OCRL: variants seen among roughly 807,000 people sequenced by gnomAD.
The protein encoded by OCRL is OCRL inositol polyphosphate-5-phosphatase.
OCRL carries 8 observed loss-of-function variants against 78.9 expected under a neutral mutation model. That is an observed-to-expected ratio of 0.10 (90% CI 0.06 to 0.18). The LOEUF (loss-of-function observed/expected upper bound fraction) is 0.18. Among genes scored for constraint, OCRL ranks in the 10% least tolerant of loss-of-function variants. The pLI is 1.00. For missense variants in OCRL, 454 were observed against 696.7 expected, an observed-to-expected ratio of 0.65 and a Z score of 3.92; for synonymous variants, 240 against 235.4, an observed-to-expected ratio of 1.02 and a Z score of -0.18.
At chrX:129,565,377 T>C (rs1460311086) in intron 12 of OCRL, among the ~76,000 whole-genome samples, 1 of 112,064 alleles carries the variant, frequency 8.9e-6, no homozygotes, top group East Asian at 2.8e-4. Context: ...GTGGAGAACC[T>C]GCAGGACTTC....
intron 4 of OCRL, chrX:129,553,314 T>A (rs750412774): frequency 8.9e-6 from 1 of 111,930 alleles, no homozygotes; most frequent in South Asian, 3.7e-4. Flanking sequence ...AAGTAGTGGG[T>A]GTGGAAGTCA....
intron 18 of OCRL, among the ~76,000 whole-genome samples, chrX:129,577,741 T>C (rs1936388571): frequency 8.9e-6 from 1 of 112,306 alleles, no homozygotes; most frequent in African/African-American, 3.2e-5. Context: ...AGAGCCCTCA[T>C]GACTGAGTAT....
rs182998651 is a variant in OCRL, at chrX:129,564,863, T to C, written c.1245-909T>C. On this transcript the variant is annotated intron_variant, in intron 12 of 23. Transcript: ENST00000371113. Reference sequence around the variant, plus strand: ...TTGTGCACATGTACCCTAAAACTTATAATAATAAAATAAAATTTAAAAAAT... The same window carrying C: ...TTGTGCACATGTACCCTAAAACTTACAATAATAAAATAAAATTTAAAAAAT... Among the ~76,000 whole-genome samples the C allele has an allele frequency of 6.4e-3, 710 of 111,004 alleles. 9 individuals are homozygous for C. The highest frequency in any genetic ancestry group is 0.021 in the African/African-American group (629 of 30,497).
intron 2 of OCRL, among the ~76,000 whole-genome samples, chrX:129,541,233 A>G (rs1489422651): frequency 8.9e-6 from 1 of 112,421 alleles, no homozygotes; most frequent in Non-Finnish European, 1.9e-5. Context: ...AGTGGCTTCC[A>G]AAAAGTAAAA....
At chrX:129,569,550 A>G (rs1478174802) in intron 15 of OCRL, 151 bp downstream of exon 15, 7 of 591,686 alleles carry the variant, frequency 1.2e-5, no homozygotes, top group Middle Eastern at 4.3e-4. Context: ...AGTGCCCCCA[A>G]CCCTCCCAAA....
chrX:129,559,836 G>GGT (rs1936121133), intron 8 of OCRL, among the ~76,000 whole-genome samples: 1 of 110,982 alleles, frequency 9.0e-6, no homozygotes, highest in Admixed American at 9.6e-5. Flanking sequence ...CTGCATGTGA[G>GGT]GTACCATGTG....
At chrX:129,557,533 A>T in intron 5 of OCRL, 98 bp downstream of exon 5, 1 of 756,849 alleles carries the variant, frequency 1.3e-6, no homozygotes, top group Non-Finnish European at 2.0e-6. Flanking sequence ...AAAATACCTC[A>T]CCCTTTAAGC....
intron 21 of OCRL, 52 bp from the exon 22 acceptor site, chrX:129,588,832 GCT>G: frequency 8.3e-7 from 1 of 1,202,271 alleles, no homozygotes; most frequent in Non-Finnish European, 1.1e-6. Context: ...GCTCGTCGGG[GCT>G]CTGTGTGGCC....
intron 4 of OCRL, among the ~76,000 whole-genome samples, chrX:129,556,849 A>G (rs1170683908): frequency 8.9e-6 from 1 of 112,053 alleles, no homozygotes; most frequent in African/African-American, 3.2e-5. Flanking sequence ...TGTAAATTTA[A>G]TCTGTGCTTA....
chrX:129,548,758 A>G (rs1935923253), intron 4 of OCRL, among the ~76,000 whole-genome samples, 157 bp downstream of exon 4: 1 of 112,375 alleles, frequency 8.9e-6, no homozygotes, highest in African/African-American at 3.2e-5. Flanking sequence ...TTTCCCAAAA[A>G]CATGTAGGCT....
At chrX:129,573,527 A>G (rs1936328757) in intron 15 of OCRL, among the ~76,000 whole-genome samples, 1 of 111,516 alleles carries the variant, frequency 9.0e-6, no homozygotes, top group South Asian at 3.8e-4. Flanking sequence ...GATGGCTTCC[A>G]GCTTCATCCA....
At chrX:129,542,594 G>A (rs779532638) in intron 2 of OCRL, among the ~76,000 whole-genome samples, 19 of 110,369 alleles carry the variant, frequency 1.7e-4, no homozygotes, top group Admixed American at 6.8e-4. Context: ...ACATGTGAGG[G>A]TTACTATAAG....
At chrX:129,572,308 A>AT (rs1569461167) in intron 15 of OCRL, among the ~76,000 whole-genome samples, 1 of 111,596 alleles carries the variant, frequency 9.0e-6, no homozygotes, top group Non-Finnish European at 1.9e-5. Flanking sequence ...ATCTTATTAC[A>AT]TAAAGACCTA....
chrX:129,585,933 A>G (rs1936507474), intron 19 of OCRL, among the ~76,000 whole-genome samples: 1 of 110,439 alleles, frequency 9.1e-6, no homozygotes, highest in Non-Finnish European at 1.9e-5. Flanking sequence ...GATGGAATTC[A>G]CAAGTTGCAC....
rs145125110 is a variant in OCRL at position 129,591,031 on chromosome X, A to G, written c.*761A>G. ...GAGTATCTGAAGAGTGAGAGCATTC[A>G]TGTTTGACAGGTCCTGCTTCCCACT... On this transcript the variant is annotated 3_prime_UTR_variant, in exon 24 of 24. Coordinates refer to ENST00000371113, the MANE Select transcript of OCRL (RefSeq NM_000276.4). 4.1e-3 allele frequency: 465 copies of G among 113,639 alleles called. No individual in the cohort carries two copies. Among genetic ancestry groups the G allele is most frequent in the African/African-American group, 0.014 (417 of 30,703 alleles). 9.4% of individuals were successfully genotyped at this position (113,639 alleles called of 1,213,427 possible).
At chrX:129,578,600 CTT>C (rs900773079) in intron 18 of OCRL, among the ~76,000 whole-genome samples, 2 of 110,425 alleles carry the variant, frequency 1.8e-5, no homozygotes, top group African/African-American at 6.6e-5. Context: ...ATATGAAAAA[CTT>C]TGCAGTTTTT....
chrX:129,547,387 TG>T (rs1935897865), intron 3 of OCRL, among the ~76,000 whole-genome samples: 1 of 108,610 alleles, frequency 9.2e-6, no homozygotes, highest in Non-Finnish European at 1.9e-5. Context: ...TAGCCGGGCA[TG>T]GTGGCGGGTG....
intron 11 of OCRL, 35 bp downstream of exon 11, chrX:129,562,535 C>G (rs1330773619): frequency 1.7e-6 from 2 of 1,185,196 alleles, no homozygotes; most frequent in Non-Finnish European, 2.3e-6. Flanking sequence ...GATTATTATT[C>G]ATGTTCATGT....
chrX:129,548,653 A>G, intron 4 of OCRL, 52 bp downstream of exon 4: 1 of 1,014,663 alleles, frequency 9.9e-7, no homozygotes, highest in Non-Finnish European at 1.4e-6. Context: ...TATTTACTTG[A>G]ACACTCACTA....
Sources: allele counts gnomAD v4.1 joint callset (sites outside exome capture counted in the v4.1 genomes callset), GRCh38; gene constraint gnomAD v4.1.1; transcripts MANE v1.5; gene names NCBI Gene and HGNC (gene_info 2026-07-23, HGNC 2026-07-21).